The following EPHA8 variants were observed in gnomAD, a reference collection of about 807,000 sequenced individuals.
EPHA8 encodes the protein EPH receptor A8.
EPHA8 carries 58 observed loss-of-function variants against 103.6 expected under a neutral mutation model. The ratio of observed to expected loss-of-function variants is 0.56; its 90% CI spans 0.45 to 0.70. EPHA8 has a LOEUF of 0.70. EPHA8 is among the 30% of genes least tolerant of loss of function. The pLI is 0.00. For synonymous variants in EPHA8, 559 were observed against 572.5 expected (o/e 0.98, Z 0.34); for missense variants, 1,304 against 1,395.2 (o/e 0.93, Z 1.04).
At chr1:22,578,435 CGTGTGTGCAT>C (rs1640853103) in intron 3 of EPHA8, among the ~76,000 whole-genome samples, 1 of 62,436 alleles carries the variant, frequency 1.6e-5, no homozygotes, top group African/African-American at 7.3e-5. Flanking sequence ...CGTATGTGTA[CGTGTGTGCAT>C]GTGTGCGAGT....
intron 3 of EPHA8, among the ~76,000 whole-genome samples, chr1:22,579,277 GTATA>G (rs1165190518): frequency 6.6e-6 from 1 of 151,756 alleles, no homozygotes; most frequent in Admixed American, 6.6e-5. Flanking sequence ...GTGTCAGAGT[GTATA>G]TATGCATGTG....
chr1:22,601,352 G>A lies in EPHA8; in HGVS notation c.2782G>A (p.Gly928Ser), dbSNP rs781303625. Residue 928 changes from glycine to serine, a missense_variant, in exon 16 of 17, where the codon GGT becomes AGT. By Grantham distance (56) the Gly-to-Ser change is moderately conservative. Coordinates refer to ENST00000166244, the MANE Select transcript of EPHA8 (RefSeq NM_020526.5). ...CTGCTTTGACCTCCGAGGGGGCAGC[G>A]GTGGCGGTGGGGGCCTCACCGTGGG... The part of the protein sequence containing the change: ...RSCFDLRGGS[G>S]GGGGLTVGDW... The A allele has an allele frequency of 2.0e-5, 32 of 1,608,566 alleles. 1 individual carries two copies. In the Admixed American group the frequency reaches 2.1e-4, roughly 10 times the overall value.
At position 22,597,297 on chromosome 1, in the gene EPHA8, C is replaced by A; in HGVS notation, c.1766-15C>A. 2.5e-6 allele frequency: 4 copies of A among 1,581,350 alleles called. No individual in the cohort carries two copies. Among genetic ancestry groups the A allele is most frequent in the South Asian group, 1.1e-5 (1 of 89,516 alleles). On this transcript the variant is annotated splice_polypyrimidine_tract_variant and intron_variant, in intron 9 of 16. Transcript: ENST00000166244. This position sits in a 1 kb window ranked among gnomAD's most constrained non-coding sequence, Gnocchi z 4.6. ...TCTCCTGGGCCCCACTGAAGGCCCT[C>A]CTCCCGCCCCTCAGCACCCCCACCT... is the stretch of plus-strand genomic sequence containing the variant.
At position 22,600,999 on chromosome 1, in the gene EPHA8, G is replaced by A. The variant is rs150399375; in HGVS notation, c.2640G>A (p.Ala880=). 1.3e-4 allele frequency: 205 copies of A among 1,612,936 alleles called. 1 individual carries two copies. In the East Asian group the frequency reaches 2.4e-3, roughly 19 times the overall value. The change falls in exon 15 of 17, where the codon GCG becomes GCA. Residue 880 remains alanine (A), a synonymous_variant. Coordinates refer to ENST00000166244, the MANE Select transcript of EPHA8 (RefSeq NM_020526.5). The part of the protein sequence containing the change: ...LMLDCWHKDR[A]QRPRFSQIVS... The stretch of plus-strand genomic sequence containing the variant: ...TCGACTGTTGGCACAAGGACCGGGC[G>A]CAGCGGCCTCGCTTCTCCCAGATTG...
Position 22,600,998 on chromosome 1 carries a change from C to T in EPHA8, c.2639C>T (p.Ala880Val), listed in dbSNP as rs764652650. The change falls in exon 15 of 17, where the codon GCG becomes GTG. Residue 880 changes from alanine (A) to valine (V), a missense_variant. Physicochemically the swap from Ala to Val is moderately conservative, Grantham distance 64. Transcript: ENST00000166244. ...CTCGACTGTTGGCACAAGGACCGGG[C>T]GCAGCGGCCTCGCTTCTCCCAGATT... ...LMLDCWHKDR[A>V]QRPRFSQIVS... 30 of 1,612,868 alleles carry T rather than the reference C, an allele frequency of 1.9e-5. No individual in the cohort carries two copies. Among genetic ancestry groups the T allele is most frequent in the East Asian group, 6.7e-5 (3 of 44,884 alleles).
At chr1:22,570,598 G>A (rs1365339430) in intron 2 of EPHA8, among the ~76,000 whole-genome samples, 1 of 86,558 alleles carries the variant, frequency 1.2e-5, no homozygotes, top group Non-Finnish European at 2.1e-5. Context: ...CCTTTTGTGG[G>A]GGCCTGTGAT....
intron 3 of EPHA8, among the ~76,000 whole-genome samples, chr1:22,585,052 C>CGCGCGCGCGT (rs147149954): frequency 0.071 from 10,272 of 144,412 alleles, 362 homozygotes; most frequent in South Asian, 0.19. Flanking sequence ...TGTGTGTGTG[C>CGCGCGCGCGT]GCACGCGTGT....
rs1641553144 is a variant in EPHA8 at position 22,597,491 on chromosome 1, T to G, written c.1930+15T>G. 6.2e-7 allele frequency: 1 copy of G among 1,608,240 alleles called. No individual in the cohort carries two copies. The highest frequency in any genetic ancestry group is 8.5e-7 in the Non-Finnish European group (1 of 1,177,320). On this transcript the variant is annotated intron_variant, in intron 10 of 16. Coordinates refer to ENST00000166244, the MANE Select transcript of EPHA8 (RefSeq NM_020526.5). The surrounding 1 kb of genome is among the most constrained non-coding windows in gnomAD (Gnocchi z 4.6). ...CATCGGCTCTGGTGAGTCTCAGGGG[T>G]TGTGAGGGCGGGGCCAGCATGGGGC...
At chr1:22,581,698 C>G (rs552676735) in intron 3 of EPHA8, among the ~76,000 whole-genome samples, 160 of 152,220 alleles carry the variant, frequency 1.1e-3, no homozygotes, top group Non-Finnish European at 2.1e-3. Flanking sequence ...AAAAGAAATG[C>G]CAAAGTGGGG....
chr1:22,600,073 GAGGA>G (rs1225967465), intron 13 of EPHA8, among the ~76,000 whole-genome samples: 90 of 103,972 alleles, frequency 8.7e-4, no homozygotes, highest in African/African-American at 3.2e-3. Flanking sequence ...GGGATGGAGG[GAGGA>G]AGGAAGGGAG....
chr1:22,575,945 C>T (rs1396808229), intron 2 of EPHA8, among the ~76,000 whole-genome samples: 1 of 152,082 alleles, frequency 6.6e-6, no homozygotes, highest in African/African-American at 2.4e-5. Context: ...CCCGTCCAGC[C>T]ATTGCTCGAT....
At chr1:22,595,978 A>G (rs748651130) in intron 8 of EPHA8, 128 bp from the exon 9 acceptor site, 9 of 759,164 alleles carry the variant, frequency 1.2e-5, no homozygotes, top group Non-Finnish European at 2.0e-5. Flanking sequence ...CAGACTTTGT[A>G]AGGAGCAGGA....
At chr1:22,578,278 A>ATGTGTACG (rs1640836261) in intron 3 of EPHA8, among the ~76,000 whole-genome samples, 1 of 137,358 alleles carries the variant, frequency 7.3e-6, no homozygotes, top group Non-Finnish European at 1.5e-5. Flanking sequence ...GCATGAGTGC[A>ATGTGTACG]TGTGTACGTG....
intron 3 of EPHA8, among the ~76,000 whole-genome samples, chr1:22,578,406 A>G (rs1212506022): frequency 2.0e-5 from 2 of 100,706 alleles, no homozygotes; most frequent in African/African-American, 7.8e-5. Context: ...GCATGAGTGT[A>G]TGCATGTCTG....
chr1:22,591,421 A>G (rs1250531368), intron 5 of EPHA8, among the ~76,000 whole-genome samples: 2 of 143,576 alleles, frequency 1.4e-5, no homozygotes, highest in African/African-American at 5.3e-5. Context: ...GGGTCTCCCT[A>G]TATTTCCCAG....
chr1:22,579,406 G>T (rs1557563260), intron 3 of EPHA8, among the ~76,000 whole-genome samples: 4 of 149,864 alleles, frequency 2.7e-5, no homozygotes. Context: ...ATGTGTTCAT[G>T]AGTGTATGTA....
intron 13 of EPHA8, among the ~76,000 whole-genome samples, chr1:22,599,697 AGGG>A (rs1641635467): frequency 4.4e-5 from 1 of 22,668 alleles, no homozygotes; most frequent in Non-Finnish European, 6.8e-5. Flanking sequence ...GAAAGGAGGG[AGGG>A]AGGAAGGAGG....
intron 3 of EPHA8, among the ~76,000 whole-genome samples, chr1:22,578,776 C>T (rs527409232): frequency 2.2e-4 from 31 of 138,436 alleles, no homozygotes; most frequent in African/African-American, 4.7e-4. Context: ...TGTATGTGTA[C>T]GTGTGGGCAT....
At chr1:22,596,343 C>T (rs1311276134) in intron 9 of EPHA8, among the ~76,000 whole-genome samples, 170 bp downstream of exon 9, 4 of 152,174 alleles carry the variant, frequency 2.6e-5, no homozygotes, top group Admixed American at 6.5e-5. Context: ...AGGGCAGCGC[C>T]GTTCATGCCT....
Sources: gnomAD v4.1 joint callset for allele counts (sites outside exome capture counted in the v4.1 genomes callset) on GRCh38, gnomAD v4.1.1 for gene constraint, Gnocchi (gnomAD v3.1) non-coding constraint, MANE v1.5 for transcripts, NCBI Gene and HGNC (gene_info 2026-07-23, HGNC 2026-07-21) for gene names.